POP1: variants seen among roughly 807,000 people sequenced by gnomAD.
POP1 encodes ribonucleases P/MRP protein subunit POP1.
Under a neutral mutation model 102.2 loss-of-function variants are expected in POP1, and 75 were observed. The ratio of observed to expected loss-of-function variants is 0.73; its 90% CI spans 0.61 to 0.89. The LOEUF is 0.89. Ranked by LOEUF, POP1 falls within the 40% of genes least tolerant of loss-of-function variation. The probability of loss-of-function intolerance (pLI) is 0.00; values close to 1 mark genes in which losing one functional copy is unlikely to be tolerated. For missense variants in POP1, 1,116 were observed against 1,267.4 expected (o/e 0.88, Z 1.81); for synonymous variants, 436 against 464.1 (o/e 0.94, Z 0.78).
intron 11 of POP1, among the ~76,000 whole-genome samples, chr8:98,144,574 CCTAT>C (rs1418117334): frequency 6.6e-5 from 10 of 152,172 alleles, no homozygotes; most frequent in Non-Finnish European, 8.8e-5. Context: ...TTTTGCCAGA[CCTAT>C]CTATTATTAT....
At chr8:98,128,026 C>T (rs1251315822) in intron 3 of POP1, among the ~76,000 whole-genome samples, 2 of 152,170 alleles carry the variant, frequency 1.3e-5, no homozygotes, top group African/African-American at 2.4e-5. Flanking sequence ...TCTTAGCCCC[C>T]GTGCCCCTCT....
intron 7 of POP1, among the ~76,000 whole-genome samples, chr8:98,135,271 G>A (rs910487632): frequency 8.0e-5 from 12 of 150,606 alleles, no homozygotes; most frequent in Non-Finnish European, 1.5e-4. Context: ...GTGAGACCCT[G>A]TCTCGAAAAA....
intron 6 of POP1, 43 bp from the exon 7 acceptor site, chr8:98,134,429 C>A: frequency 6.3e-7 from 1 of 1,599,276 alleles, no homozygotes; most frequent in South Asian, 1.1e-5. Flanking sequence ...GGACTGCAGT[C>A]TCAACACCCG....
chr8:98,119,821 G>T (rs1009196702), intron 1 of POP1, among the ~76,000 whole-genome samples: 1 of 152,050 alleles, frequency 6.6e-6, no homozygotes, highest in Non-Finnish European at 1.5e-5. Flanking sequence ...CAATCCTCCC[G>T]CCTTGGCCTC....
intron 14 of POP1, among the ~76,000 whole-genome samples, chr8:98,151,758 T>TG (rs1809517335): frequency 6.6e-6 from 1 of 150,650 alleles, no homozygotes; most frequent in Admixed American, 6.6e-5. Flanking sequence ...TTTTTTTTTT[T>TG]TTGAGGCAGG....
intron 14 of POP1, among the ~76,000 whole-genome samples, chr8:98,152,615 C>G (rs75389053): frequency 0.015 from 2,338 of 152,278 alleles, 18 homozygotes; most frequent in East Asian, 0.055. Flanking sequence ...CTTTTTCAAC[C>G]ATTTAAAAAC....
intron 1 of POP1, among the ~76,000 whole-genome samples, chr8:98,119,426 A>G (rs923437350): frequency 1.3e-5 from 2 of 152,378 alleles, no homozygotes; most frequent in African/African-American, 4.8e-5. Flanking sequence ...GTGTCTGGCC[A>G]GAGGATACTA....
intron 14 of POP1, 86 bp downstream of exon 14, chr8:98,150,725 C>A: frequency 2.3e-6 from 3 of 1,329,886 alleles, no homozygotes; most frequent in Non-Finnish European, 2.1e-6. Flanking sequence ...ATTAGGATGG[C>A]TTTGGTAATT....
chr8:98,118,364 G>T (rs570170886), intron 1 of POP1, among the ~76,000 whole-genome samples: 1 of 152,102 alleles, frequency 6.6e-6, no homozygotes, highest in South Asian at 2.1e-4. Flanking sequence ...TTTTCTCTTT[G>T]ACTTTTCCTA....
chr8:98,151,046 A>C (rs1809500759), intron 14 of POP1, among the ~76,000 whole-genome samples: 1 of 152,220 alleles, frequency 6.6e-6, no homozygotes, highest in Non-Finnish European at 1.5e-5. Context: ...ATAAAAAGAT[A>C]AATTGGTATA....
In POP1 at chr8:98,134,538, T is replaced by C; in HGVS notation, c.890T>C (p.Val297Ala). Reference protein sequence around the residue: ...KRQGSLVLYRVNKYPREMLGP... With the variant: ...KRQGSLVLYRANKYPREMLGP... ...CAAGGGAGCCTTGTGCTTTATCGGG[T>C]GAATAAATATCCCAGAGAAATGCTT... is the stretch of plus-strand genomic sequence containing the variant. The change falls in exon 7 of 16, where the codon GTG (valine) becomes GCG (alanine). Residue 297 changes from valine to alanine, a missense_variant. Physicochemically the swap from Val to Ala is moderately conservative, Grantham distance 64. Transcript: ENST00000401707. 1 of 1,614,220 alleles carries C rather than the reference T, an allele frequency of 6.2e-7. No homozygotes were observed. The highest frequency in any genetic ancestry group is 8.5e-7 in the Non-Finnish European group (1 of 1,180,026).
chr8:98,132,178 G>A (rs1189563205), intron 5 of POP1, among the ~76,000 whole-genome samples: 1 of 152,138 alleles, frequency 6.6e-6, no homozygotes, highest in East Asian at 1.9e-4. Flanking sequence ...GTTTTAAATG[G>A]TTTGCATGTG....
At chr8:98,121,587 G>T (rs535760062) in intron 1 of POP1, among the ~76,000 whole-genome samples, 1 of 142,414 alleles carries the variant, frequency 7.0e-6, no homozygotes, top group Non-Finnish European at 1.5e-5. Context: ...TGATCATCTC[G>T]GCTCAATGCA....
intron 9 of POP1, among the ~76,000 whole-genome samples, chr8:98,137,902 TAG>T (rs1816593266): frequency 6.6e-6 from 1 of 152,244 alleles, no homozygotes; most frequent in South Asian, 2.1e-4. Flanking sequence ...TTTCTGGTCT[TAG>T]TGCAATTAAC....
chr8:98,123,068 T>C (rs1394167183), intron 1 of POP1, among the ~76,000 whole-genome samples: 1 of 152,238 alleles, frequency 6.6e-6, no homozygotes. Context: ...TTATTTCATC[T>C]AATAATCAAG....
At chr8:98,139,716 G>A (rs1816651763) in intron 9 of POP1, among the ~76,000 whole-genome samples, 1 of 150,704 alleles carries the variant, frequency 6.6e-6, no homozygotes, top group Admixed American at 6.6e-5. Flanking sequence ...CTCAGTGACA[G>A]TGAGACTGTG....
At chr8:98,137,407 A>G (rs1215346494) in intron 9 of POP1, among the ~76,000 whole-genome samples, 1 of 151,406 alleles carries the variant, frequency 6.6e-6, no homozygotes, top group East Asian at 1.9e-4. Flanking sequence ...GGTTCAAGCG[A>G]TTCTCCTGCC....
In POP1 at chr8:98,141,872, A is replaced by AT. The variant is rs529734476; in HGVS notation, c.1594+994dup. 5.2e-3 allele frequency among the ~76,000 whole-genome samples: 776 copies of AT among 149,092 alleles called. 2 individuals carry two copies. The highest frequency in any genetic ancestry group is 7.8e-3 in the Non-Finnish European group (523 of 66,994). On this transcript the variant is annotated intron_variant, in intron 11 of 15. Transcript: ENST00000401707. ...CATGAACCACCACGCCTGGCCCAGA[A>AT]TTTTTTTTTTAATGTAGTTAGATAG...
chr8:98,143,747 A>G (rs1816769761), intron 11 of POP1, among the ~76,000 whole-genome samples: 1 of 152,126 alleles, frequency 6.6e-6, no homozygotes, highest in Non-Finnish European at 1.5e-5. Context: ...ATAACCACTG[A>G]TCTTTTTACT....
Sources: gnomAD v4.1 joint callset for allele counts (sites outside exome capture counted in the v4.1 genomes callset) on GRCh38, gnomAD v4.1.1 for gene constraint, MANE v1.5 for transcripts, NCBI Gene and HGNC (gene_info 2026-07-23, HGNC 2026-07-21) for gene names.